Variants in DAD1 observed in about 807,000 individuals in gnomAD.
DAD1 encodes defender against cell death 1.
In DAD1, 4 loss-of-function variants were observed where a neutral mutation model predicts 9.0. The observed-to-expected ratio is 0.44, with a 90% CI of 0.22 to 1.01. DAD1 has a LOEUF of 1.01. DAD1 is among the 50% of genes least tolerant of loss of function. DAD1 has a pLI of 0.24. For synonymous variants in DAD1, 60 were observed against 62.5 expected, an observed-to-expected ratio of 0.96 and a Z score of 0.19; for missense variants, 119 against 137.3, an observed-to-expected ratio of 0.87 and a Z score of 0.67.
chr14:22,585,057 A>C (rs1393439418), intron 1 of DAD1, among the ~76,000 whole-genome samples: 1 of 152,276 alleles, frequency 6.6e-6, no homozygotes, highest in African/African-American at 2.4e-5. Flanking sequence ...ATGAGAGATA[A>C]TATTAGGATC....
Position 22,588,998 on chromosome 14 carries a change from T to TG in DAD1, c.159dup (p.Asn54GlnfsTer43), listed in dbSNP as rs1402807857. 1 of 1,614,104 alleles carries TG rather than the reference T, an allele frequency of 6.2e-7. No homozygotes were observed. On this transcript the variant is annotated frameshift_variant, in exon 1 of 3. Transcript: ENST00000250498. LOFTEE classifies it high-confidence loss of function. ...GAGATGAAGCCCGAGAGAAAAGAGT[T>TG]GAAGGGGAAGGTCCCCACGAGGAGA... is the stretch of plus-strand genomic sequence containing the variant.
intron 1 of DAD1, among the ~76,000 whole-genome samples, chr14:22,588,394 G>T (rs1491003177): frequency 6.6e-6 from 1 of 152,192 alleles, no homozygotes; most frequent in Non-Finnish European, 1.5e-5. Flanking sequence ...GGCTAAAATA[G>T]AGTTATGTGA....
intron 2 of DAD1, among the ~76,000 whole-genome samples, chr14:22,569,671 G>A (rs914988625): frequency 1.3e-5 from 2 of 152,198 alleles, no homozygotes; most frequent in African/African-American, 4.8e-5. Flanking sequence ...AAGGCAGTAA[G>A]TTAGGGCAGC....
At chr14:22,569,547 C>T (rs1398805655) in intron 2 of DAD1, among the ~76,000 whole-genome samples, 2 of 151,950 alleles carry the variant, frequency 1.3e-5, no homozygotes, top group African/African-American at 4.8e-5. Flanking sequence ...AGTTTCATAA[C>T]AATGTGATAA....
chr14:22,568,255 C>T (rs2037014235), intron 2 of DAD1, among the ~76,000 whole-genome samples: 1 of 152,188 alleles, frequency 6.6e-6, no homozygotes. Flanking sequence ...GGAAGGATCA[C>T]ATGAGCTGAT....
At chr14:22,575,286 T>TA in intron 1 of DAD1, 53 bp from the exon 2 acceptor site, 1 of 1,588,294 alleles carries the variant, frequency 6.3e-7, no homozygotes, top group Non-Finnish European at 8.6e-7. Flanking sequence ...ATAAAATAAA[T>TA]ATGCTAATGA....
chr14:22,583,091 T>C (rs983475217), intron 1 of DAD1, among the ~76,000 whole-genome samples: 1 of 151,584 alleles, frequency 6.6e-6, no homozygotes, highest in Admixed American at 6.6e-5. Context: ...GCAGGTTTGA[T>C]CTTGGACATG....
At chr14:22,585,392 A>T (rs2037145152) in intron 1 of DAD1, among the ~76,000 whole-genome samples, 1 of 152,230 alleles carries the variant, frequency 6.6e-6, no homozygotes, top group Admixed American at 6.5e-5. Context: ...TTGGGCAAAA[A>T]AGGAAACTAA....
chr14:22,579,641 T>C (rs1459674454), intron 1 of DAD1, among the ~76,000 whole-genome samples: 1 of 152,150 alleles, frequency 6.6e-6, no homozygotes, highest in East Asian at 1.9e-4. Context: ...CAAAGGAATT[T>C]ATCTTACAGA....
intron 1 of DAD1, among the ~76,000 whole-genome samples, chr14:22,586,175 G>A (rs940758972): frequency 6.6e-6 from 1 of 151,178 alleles, no homozygotes; most frequent in African/African-American, 2.4e-5. Flanking sequence ...ACTCCAGCCT[G>A]GGGGACAGAG....
In DAD1 at chr14:22,588,392, T is replaced by C. The variant is rs190005606; in HGVS notation, c.211+555A>G. On this transcript the variant is annotated intron_variant, in intron 1 of 2. Coordinates refer to ENST00000250498, the MANE Select transcript of DAD1 (RefSeq NM_001344.4). ...ATCAAAAGGAAAAATAAGGCTAAAA[T>C]AGAGTTATGTGAACAAAAATTGGGT... 9.2e-5 allele frequency among the ~76,000 whole-genome samples: 14 copies of C among 152,174 alleles called. No individual in the cohort carries two copies. The East Asian group carries it at 1.9e-3, about 21-fold the overall frequency.
chr14:22,570,081 A>C (rs981932420), intron 2 of DAD1, among the ~76,000 whole-genome samples: 1 of 152,208 alleles, frequency 6.6e-6, no homozygotes, highest in Non-Finnish European at 1.5e-5. Flanking sequence ...CCTCTGAGAG[A>C]GCTTATTTGG....
intron 2 of DAD1, among the ~76,000 whole-genome samples, chr14:22,571,134 C>G (rs1308404501): frequency 6.6e-6 from 1 of 151,654 alleles, no homozygotes; most frequent in African/African-American, 2.4e-5. Flanking sequence ...CCAGCCTAGC[C>G]AACAGAGTGA....
intron 1 of DAD1, among the ~76,000 whole-genome samples, chr14:22,586,880 A>C (rs2037156591): frequency 1.3e-5 from 2 of 152,238 alleles, no homozygotes; most frequent in African/African-American, 4.8e-5. Context: ...GTGGCAACTA[A>C]GAATTATCAT....
At chr14:22,571,115 A>G (rs1444333846) in intron 2 of DAD1, among the ~76,000 whole-genome samples, 1 of 151,722 alleles carries the variant, frequency 6.6e-6, no homozygotes, top group Non-Finnish European at 1.5e-5. Context: ...CGAGGACAGG[A>G]GTTCAACACC....
intron 2 of DAD1, among the ~76,000 whole-genome samples, chr14:22,569,085 T>C (rs2037020658): frequency 6.6e-6 from 1 of 152,234 alleles, no homozygotes; most frequent in South Asian, 2.1e-4. Flanking sequence ...TTCGTACCAC[T>C]TTCCATGTTT....
chr14:22,579,156 T>G (rs2037098409), intron 1 of DAD1, among the ~76,000 whole-genome samples: 1 of 150,820 alleles, frequency 6.6e-6, no homozygotes, highest in Admixed American at 6.6e-5. Context: ...CTAAGAGAGA[T>G]AACTCATGAG....
intron 2 of DAD1, 69 bp from the exon 3 acceptor site, chr14:22,565,206 T>G (rs372017959): frequency 2.3e-5 from 16 of 695,910 alleles, no homozygotes; most frequent in East Asian, 1.3e-4. Context: ...TCCTTCCATC[T>G]AAATTCTAAC....
chr14:22,573,914 A>G (rs2037060154), intron 2 of DAD1, among the ~76,000 whole-genome samples: 1 of 152,172 alleles, frequency 6.6e-6, no homozygotes, highest in Admixed American at 6.5e-5. Flanking sequence ...TCACTTCCAC[A>G]TTATTGCATC....
Sources: allele counts gnomAD v4.1 joint callset (sites outside exome capture counted in the v4.1 genomes callset), GRCh38; gene constraint gnomAD v4.1.1; transcripts MANE v1.5; gene names NCBI Gene and HGNC (gene_info 2026-07-23, HGNC 2026-07-21).